ENDOV: variants seen among roughly 807,000 people sequenced by gnomAD.
ENDOV encodes the protein hEndoV.
Under a neutral mutation model 39.4 loss-of-function variants are expected in ENDOV, and 37 were observed. The ratio of observed to expected loss-of-function variants is 0.94; its 90% CI spans 0.72 to 1.23. The LOEUF (loss-of-function observed/expected upper bound fraction) is 1.23, where lower values mean the gene tolerates loss of function less well. Ranked by LOEUF, ENDOV falls within the 50% of genes most tolerant of loss-of-function variation. The pLI, the probability that ENDOV is intolerant of heterozygous loss-of-function variation, is 0.00. For synonymous variants in ENDOV, 186 were observed against 163.4 expected, an observed-to-expected ratio of 1.14 and a Z score of -1.05; for missense variants, 441 against 375.7, an observed-to-expected ratio of 1.17 and a Z score of -1.44.
chr17:80,425,699 C>T (rs1298048862), intron 7 of ENDOV, 79 bp downstream of exon 7: 3 of 1,521,562 alleles, frequency 2.0e-6, no homozygotes, highest in Non-Finnish European at 2.6e-6. Flanking sequence ...TCCCCAGCAG[C>T]TCAGCTGGGG....
chr17:80,418,660 A>G (rs1312293910), intron 2 of ENDOV: 1 of 152,200 alleles, frequency 6.6e-6, no homozygotes, highest in Non-Finnish European at 1.5e-5. Context: ...AGGCACATCC[A>G]CAGAGACAGA....
intron 9 of ENDOV, among the ~76,000 whole-genome samples, chr17:80,433,461 G>A (rs1448800742): frequency 6.6e-6 from 1 of 152,226 alleles, no homozygotes; most frequent in Non-Finnish European, 1.5e-5. Context: ...CACCTGAGCT[G>A]GCAGCTCCTC....
At chr17:80,415,497 C>G (rs1432849235) in intron 1 of ENDOV, 153 bp from the exon 2 acceptor site, 11 of 1,133,576 alleles carry the variant, frequency 9.7e-6, no homozygotes, top group East Asian at 5.2e-5. Flanking sequence ...CGCCTGGGCT[C>G]CTAGGGACTG....
At chr17:80,433,175 C>A (rs1193576977) in intron 9 of ENDOV, 1 of 520,116 alleles carries the variant, frequency 1.9e-6, no homozygotes, top group South Asian at 1.4e-5. Context: ...CTGGGCAGAG[C>A]TGGCTGAGAT....
rs1327774235 is a variant in ENDOV, at chr17:80,423,553, C to T, written c.437C>T (p.Thr146Ile). The change falls in exon 5 of 10, where the codon ACA becomes ATA. Residue 146 changes from threonine (T) to isoleucine (I), a missense_variant. Coordinates refer to ENST00000518137, the MANE Select transcript of ENDOV (RefSeq NM_173627.5). ...GTGGCCTGCCACCTTGGCGTCCTTA[C>T]AGACCTGCCGTGTGTTGGGGTGGCC... ...FGVACHLGVL[T>I]DLPCVGVAKK... 2 of 1,471,916 alleles carry T rather than the reference C, an allele frequency of 1.4e-6. No homozygotes were observed. The highest frequency in any genetic ancestry group is 1.8e-6 in the Non-Finnish European group (2 of 1,096,920). 91.2% of individuals were successfully genotyped at this position (1,471,916 alleles called of 1,614,324 possible). A position where few individuals can be genotyped will look rare whatever the true frequency, so the allele number is the denominator to read the frequency against.
chr17:80,436,439 ACG>A lies in ENDOV; in HGVS notation c.*297_*298del. ...AAGGATGCTCTTCATCCAGCTGAAGACGGTCCCTTCTAGTCCTAATTTGTTAA... is the reference window on the plus strand; with the variant it reads ...AAGGATGCTCTTCATCCAGCTGAAGAGTCCCTTCTAGTCCTAATTTGTTAA... On this transcript the variant is annotated 3_prime_UTR_variant, in exon 10 of 10. Coordinates refer to ENST00000518137, the MANE Select transcript of ENDOV (RefSeq NM_173627.5). The A allele has an allele frequency of 1.6e-6, 2 of 1,230,466 alleles. No homozygotes were observed. Among genetic ancestry groups the A allele is most frequent in the Non-Finnish European group, 2.1e-6 (2 of 934,724 alleles). The allele number at this position is 1,230,466 out of a possible 1,614,324, so 76.2% of individuals were successfully genotyped here. A position where few individuals can be genotyped will look rare whatever the true frequency, so the allele number is the denominator to read the frequency against.
intron 9 of ENDOV, 187 bp downstream of exon 9, chr17:80,430,018 G>C (rs779330602): frequency 2.0e-6 from 3 of 1,536,492 alleles, no homozygotes; most frequent in South Asian, 2.4e-5. Context: ...TAGGGACTTA[G>C]GGGAACCTCA....
chr17:80,419,496 G>A (rs1280022027), intron 2 of ENDOV: 6 of 679,964 alleles, frequency 8.8e-6, no homozygotes, highest in African/African-American at 7.0e-5. Flanking sequence ...GCCTGGTGGA[G>A]CCTGTTGTGT....
Position 80,422,256 on chromosome 17 carries a change from T to C in ENDOV, c.403+11T>C. On this transcript the variant is annotated intron_variant, in intron 4 of 9. Transcript: ENST00000518137. ...TACTCCACCACCGAGGTAATCCTGC[T>C]CTTGGAGGTCCAGGGAGGGCACTGT... is the stretch of plus-strand genomic sequence containing the variant. 2 of 1,613,478 alleles carry C rather than the reference T, an allele frequency of 1.2e-6. No individual in the cohort carries two copies. The highest frequency in any genetic ancestry group is 1.7e-6 in the Non-Finnish European group (2 of 1,179,760).
chr17:80,416,640 G>A (rs2081223566), intron 2 of ENDOV, among the ~76,000 whole-genome samples: 1 of 152,058 alleles, frequency 6.6e-6, no homozygotes, highest in East Asian at 1.9e-4. Flanking sequence ...CATACTGCCA[G>A]CAGACCAATT....
intron 8 of ENDOV, among the ~76,000 whole-genome samples, chr17:80,429,391 C>A (rs1307785440): frequency 6.6e-6 from 1 of 152,178 alleles, no homozygotes; most frequent in Non-Finnish European, 1.5e-5. Context: ...AGGACACCCC[C>A]ACTCCCTAGG....
At chr17:80,423,789 T>C (rs6565686) in intron 5 of ENDOV, 157 bp downstream of exon 5, 417,052 of 683,208 alleles carry the variant, frequency 0.61, 128,907 homozygotes, top group Non-Finnish European at 0.63. Flanking sequence ...TGCTTTCCTC[T>C]GGGTGCTGCA....
chr17:80,431,503 G>T (rs529011283), intron 9 of ENDOV, among the ~76,000 whole-genome samples: 1 of 152,222 alleles, frequency 6.6e-6, no homozygotes, highest in Non-Finnish European at 1.5e-5. Context: ...CTAAAGTCAC[G>T]GGGGGCACAG....
At chr17:80,431,599 G>A (rs559409692) in intron 9 of ENDOV, among the ~76,000 whole-genome samples, 1 of 152,210 alleles carries the variant, frequency 6.6e-6, no homozygotes, top group African/African-American at 2.4e-5. Context: ...GGGGCGAGAG[G>A]GAGCCCCAGT....
Position 80,421,939 on chromosome 17 carries a change from A to G in ENDOV, c.340A>G (p.Lys114Glu). The G allele has an allele frequency of 6.2e-7, 1 of 1,609,938 alleles. No homozygotes were observed. The highest frequency in any genetic ancestry group is 8.5e-7 in the Non-Finnish European group (1 of 1,179,596). ...LLELVQQLREKEPGLMPQVLL... is the reference protein window; with the variant it reads ...LLELVQQLREEEPGLMPQVLL... ...GGAGCTGGTGCAGCAGCTGCGGGAG[A>G]AGGAGCCGGGCCTCATGCCCCAGGC... is the stretch of plus-strand genomic sequence containing the variant. Residue 114 changes from lysine (K) to glutamate (E), a missense_variant, in exon 3 of 10, where the codon AAG (lysine) becomes GAG (glutamate). Lys to Glu is a moderately conservative substitution (Grantham distance 56, BLOSUM62 1). Coordinates refer to ENST00000518137, the MANE Select transcript of ENDOV (RefSeq NM_173627.5).
At chr17:80,432,168 A>G (rs1199892619) in intron 9 of ENDOV, among the ~76,000 whole-genome samples, 1 of 152,274 alleles carries the variant, frequency 6.6e-6, no homozygotes, top group African/African-American at 2.4e-5. Context: ...CTCACCGGGA[A>G]CATGAACACC....
intron 2 of ENDOV, chr17:80,420,524 C>T (rs985643654): frequency 3.9e-5 from 6 of 152,196 alleles, no homozygotes; most frequent in Non-Finnish European, 8.8e-5. Context: ...ATACAGAGCA[C>T]TCCGTCTGCT....
Position 80,436,299 on chromosome 17 carries a change from G to C in ENDOV, c.*156G>C. ...CGCGGTGGTGAGAGCACACGTCCTC[G>C]TCTCGTTCCTGATCGAACGTGGTGG... is the stretch of plus-strand genomic sequence containing the variant. On this transcript the variant is annotated 3_prime_UTR_variant, in exon 10 of 10. Coordinates refer to ENST00000518137, the MANE Select transcript of ENDOV (RefSeq NM_173627.5). 1 of 1,573,776 alleles carries C rather than the reference G, an allele frequency of 6.4e-7. No individual in the cohort carries two copies. The highest frequency in any genetic ancestry group is 8.6e-7 in the Non-Finnish European group (1 of 1,165,310).
chr17:80,436,021 C>A, intron 9 of ENDOV, 112 bp from the exon 10 acceptor site: 1 of 1,238,398 alleles, frequency 8.1e-7, no homozygotes, highest in Non-Finnish European at 1.2e-6. Flanking sequence ...TCCCCAAGTG[C>A]TGAGATTACA....
Sources: gnomAD v4.1 joint callset for allele counts (sites outside exome capture counted in the v4.1 genomes callset) on GRCh38, gnomAD v4.1.1 for gene constraint, MANE v1.5 for transcripts, NCBI Gene and HGNC (gene_info 2026-07-23, HGNC 2026-07-21) for gene names.